Variants in CEP290 observed in about 807,000 individuals in gnomAD.
CEP290 encodes the protein centrosomal protein 290.
Under a neutral mutation model 344.9 loss-of-function variants are expected in CEP290, and 317 were observed. The observed-to-expected ratio is 0.92, with a 90% CI of 0.84 to 1.01. CEP290 has a LOEUF of 1.01. Ranked by LOEUF, CEP290 falls within the 50% of genes least tolerant of loss-of-function variation. CEP290 has a pLI of 0.00. For synonymous variants in CEP290, 932 were observed against 895.8 expected, an observed-to-expected ratio of 1.04 and a Z score of -0.72; for missense variants, 2,754 against 2,761.4, an observed-to-expected ratio of 1.00 and a Z score of 0.06.
rs368103779 is a variant in CEP290, at chr12:88,050,479, G to C, written c.7130-46C>G. On this transcript the variant is annotated intron_variant, in intron 52 of 53. Transcript: ENST00000552810. ...ATTAGACTCAGCTTTTTCCCACTAC[G>C]AATGAGTTCAAGGTAATGGATTTGT... 1.5e-5 allele frequency: 13 copies of C among 883,510 alleles called. No individual in the cohort carries two copies. The African/African-American group carries it at 2.2e-4, about 15-fold the overall frequency. 54.7% of individuals were successfully genotyped at this position (883,510 alleles called of 1,614,324 possible). A position where few individuals can be genotyped will look rare whatever the true frequency, so the allele number is the denominator to read the frequency against.
chr12:88,125,288 A>G lies in CEP290; in HGVS notation c.1147T>C (p.Cys383Arg), dbSNP rs2039661040. The G allele has an allele frequency of 9.2e-7, 1 of 1,092,222 alleles. No individual in the cohort carries two copies. Among genetic ancestry groups the G allele is most frequent in the Non-Finnish European group, 1.2e-6 (1 of 802,726 alleles). 67.7% of individuals were successfully genotyped at this position (1,092,222 alleles called of 1,614,324 possible). A position where few individuals can be genotyped will look rare whatever the true frequency, so the allele number is the denominator to read the frequency against. Residue 383 changes from cysteine (C) to arginine (R), a missense_variant, in exon 13 of 54, where the codon TGT becomes CGT. Transcript: ENST00000552810. ...QYTKEMEKNT[C>R]IIEDLKNELQ... ...TCATTTTTCAAATCTTCAATAATACAAGTATTCTTTTCCATTTCTTTTGTA... is the reference window on the plus strand; with the variant it reads ...TCATTTTTCAAATCTTCAATAATACGAGTATTCTTTTCCATTTCTTTTGTA...
chr12:88,073,501 T>A (rs867686896), intron 41 of CEP290, among the ~76,000 whole-genome samples: 1 of 152,254 alleles, frequency 6.6e-6, no homozygotes, highest in Non-Finnish European at 1.5e-5. Context: ...ACATTCATAA[T>A]GACATTTTTG....
chr12:88,140,035 C>T (rs1437848497), intron 3 of CEP290, among the ~76,000 whole-genome samples: 2 of 152,124 alleles, frequency 1.3e-5, no homozygotes, highest in South Asian at 2.1e-4. Context: ...GGATTACAGA[C>T]GTGAGCCACC....
Position 88,111,813 on chromosome 12 carries a change from G to A in CEP290, c.2098C>T (p.His700Tyr), listed in dbSNP as rs369104382. Residue 700 changes from histidine to tyrosine, a missense_variant, in exon 21 of 54, where the codon CAT (histidine) becomes TAT (tyrosine). Coordinates refer to ENST00000552810, the MANE Select transcript of CEP290 (RefSeq NM_025114.4). ...AGCTGATCAACTTGGGCTTTCAAAT[G>A]CAGACTCGCATCAAAGATTCCTTCT... ...NAEGIFDASL[H>Y]LKAQVDQLTG... 16 of 1,603,678 alleles carry A rather than the reference G, an allele frequency of 1.0e-5. No individual in the cohort carries two copies. In the African/African-American group the frequency reaches 2.2e-4, roughly 22 times the overall value.
rs2035853956 is a variant in CEP290, at chr12:88,077,328, T to C, written c.5603A>G (p.Asp1868Gly). The part of the protein sequence containing the change: ...TSGLQGKPLT[D>G]NKQSLIEELQ... ...TTCTTCAATTAGACTTTGTTTATTA[T>C]CTGTCAGGGGTTTGCCCTAAAAAAT... Residue 1868 changes from aspartate to glycine, a missense_variant, in exon 41 of 54, where the codon GAT (aspartate) becomes GGT (glycine). By Grantham distance (94) the Asp-to-Gly change is moderately conservative (BLOSUM62 -1). Coordinates refer to ENST00000552810, the MANE Select transcript of CEP290 (RefSeq NM_025114.4). 6.4e-7 allele frequency: 1 copy of C among 1,567,974 alleles called. No individual in the cohort carries two copies. The highest frequency in any genetic ancestry group is 8.7e-7 in the Non-Finnish European group (1 of 1,153,116).
chr12:88,060,496 C>T (rs2034389282), intron 47 of CEP290, among the ~76,000 whole-genome samples: 1 of 151,812 alleles, frequency 6.6e-6, no homozygotes. Context: ...GGAGGCAGAG[C>T]TTGCAGTGAG....
At chr12:88,065,848 T>C (rs2034883407) in intron 44 of CEP290, among the ~76,000 whole-genome samples, 1 of 152,226 alleles carries the variant, frequency 6.6e-6, no homozygotes, top group Non-Finnish European at 1.5e-5. Flanking sequence ...AGGTATTCGT[T>C]GAGATAGTCC....
At chr12:88,068,478 T>TAA (rs1389628965) in intron 44 of CEP290, 44 bp downstream of exon 44, 9 of 1,281,940 alleles carry the variant, frequency 7.0e-6, no homozygotes, top group Non-Finnish European at 8.2e-6. Flanking sequence ...TTCATGCATT[T>TAA]TAACATGGAA....
chr12:88,130,979 C>G (rs1295914475), intron 7 of CEP290, among the ~76,000 whole-genome samples, 186 bp downstream of exon 7: 1 of 152,046 alleles, frequency 6.6e-6, no homozygotes, highest in Non-Finnish European at 1.5e-5. Context: ...GAATGTAATA[C>G]TTAATGGCCT....
At chr12:88,059,166 T>C in intron 48 of CEP290, 146 bp from the exon 49 acceptor site, 1 of 631,076 alleles carries the variant, frequency 1.6e-6, no homozygotes, top group South Asian at 2.3e-5. Context: ...AAATTCAACA[T>C]CTCTCCTTTA....
At chr12:88,123,506 T>C (rs564040920) in intron 13 of CEP290, among the ~76,000 whole-genome samples, 5 of 152,206 alleles carry the variant, frequency 3.3e-5, no homozygotes, top group Non-Finnish European at 5.9e-5. Flanking sequence ...TCTTCTTCCT[T>C]GGTTACATTC....
chr12:88,094,518 A>G (rs1041092445), intron 27 of CEP290, among the ~76,000 whole-genome samples: 2 of 152,122 alleles, frequency 1.3e-5, no homozygotes, highest in African/African-American at 4.8e-5. Flanking sequence ...CAAATATTTT[A>G]CATTCTTTTA....
At chr12:88,082,278 A>C (rs2036252320) in intron 37 of CEP290, among the ~76,000 whole-genome samples, 1 of 152,248 alleles carries the variant, frequency 6.6e-6, no homozygotes, top group Admixed American at 6.5e-5. Context: ...ATAAGTGTGT[A>C]ATCAAAAGTT....
rs760294599 is a variant in CEP290, at chr12:88,055,686, T to C, written c.6850A>G (p.Thr2284Ala). ...CTTTGATTTTTTTTGGCAATATCAG[T>C]TTCCAATTCTTTTAACTTGGTTTCA... ...MYETKLKELE[T>A]DIAKKNQSIT... The change falls in exon 50 of 54, where the codon ACT (threonine) becomes GCT (alanine). Residue 2284 changes from threonine to alanine, a missense_variant. By Grantham distance (58) the Thr-to-Ala change is moderately conservative. Coordinates refer to ENST00000552810, the MANE Select transcript of CEP290 (RefSeq NM_025114.4). 1 of 1,540,272 alleles carries C rather than the reference T, an allele frequency of 6.5e-7. No individual in the cohort carries two copies. Among genetic ancestry groups the C allele is most frequent in the Non-Finnish European group, 8.8e-7 (1 of 1,141,102 alleles).
In CEP290 at chr12:88,089,303, C is replaced by A. The variant is rs763801479; in HGVS notation, c.3758G>T (p.Arg1253Leu). ...DEKEQALYYA[R>L]LEGRNRAKHL... ...TTTTGCTCTGTTTCTTCCCTCCAAA[C>A]GAGCATAATAGAGAGCCTGTTCTTT... Residue 1253 changes from arginine (R) to leucine (L), a missense_variant, in exon 31 of 54, where the codon CGT (arginine) becomes CTT (leucine). Arg to Leu is a moderately radical substitution (Grantham distance 102). Coordinates refer to ENST00000552810, the MANE Select transcript of CEP290 (RefSeq NM_025114.4). 1 of 1,613,942 alleles carries A rather than the reference C, an allele frequency of 6.2e-7. No homozygotes were observed.
In CEP290 at chr12:88,111,768, A is replaced by G; in HGVS notation, c.2143T>C (p.Leu715=). ...VDQLTGRNEE[L]RQELRESRKE... The stretch of plus-strand genomic sequence containing the variant: ...CGAGATTCCCTGAGCTCCTGTCTTA[A>G]TTCTTCATTTCTTCCGGTAAGCTGA... Residue 715 remains leucine, a synonymous_variant, in exon 21 of 54, where the codon TTA becomes CTA. Coordinates refer to ENST00000552810, the MANE Select transcript of CEP290 (RefSeq NM_025114.4). The G allele has an allele frequency of 6.2e-7, 1 of 1,606,986 alleles. No homozygotes were observed. The highest frequency in any genetic ancestry group is 8.5e-7 in the Non-Finnish European group (1 of 1,177,236).
rs2039943636 is a variant in CEP290, at chr12:88,129,598, T to A, written c.852+96A>T. ...ACACTATTAAAAAGACAGACAAAAA[T>A]TCACATCCTAGAAAAAGTACTTTCT... On this transcript the variant is annotated intron_variant, in intron 10 of 53. Transcript: ENST00000552810. 7 of 701,824 alleles carry A rather than the reference T, an allele frequency of 1.0e-5. No homozygotes were observed. The South Asian group carries it at 1.6e-4, about 16-fold the overall frequency. 43.5% of individuals were successfully genotyped at this position (701,824 alleles called of 1,614,324 possible).
chr12:88,066,953 C>T (rs1037113173), intron 44 of CEP290, among the ~76,000 whole-genome samples: 2 of 152,156 alleles, frequency 1.3e-5, no homozygotes, highest in African/African-American at 4.8e-5. Flanking sequence ...GACAGCAACA[C>T]ATCCAAGTTT....
At chr12:88,126,568 T>C (rs2039745976) in intron 11 of CEP290, 130 bp from the exon 12 acceptor site, 1 of 545,190 alleles carries the variant, frequency 1.8e-6, no homozygotes, top group Non-Finnish European at 2.9e-6. Context: ...AATGAGAAAG[T>C]ATGAGCAACT....
Sources: gnomAD v4.1 joint callset for allele counts (sites outside exome capture counted in the v4.1 genomes callset) on GRCh38, gnomAD v4.1.1 for gene constraint, MANE v1.5 for transcripts, NCBI Gene and HGNC (gene_info 2026-07-23, HGNC 2026-07-21) for gene names.